CNTN4: variants seen among roughly 807,000 people sequenced by gnomAD.
CNTN4 encodes the protein contactin-4.
CNTN4 carries 77 observed loss-of-function variants against 122.5 expected under a neutral mutation model. That is an observed-to-expected ratio of 0.63 (90% confidence interval 0.52 to 0.76). The LOEUF (loss-of-function observed/expected upper bound fraction) is 0.76, where lower values mean the gene tolerates loss of function less well. Ranked by LOEUF, CNTN4 falls within the 30% of genes least tolerant of loss-of-function variation. The pLI is 0.00. For synonymous variants in CNTN4, 512 were observed against 447.0 expected (o/e 1.15, Z -1.83); for missense variants, 1,256 against 1,259.1 (o/e 1.00, Z 0.04).
chr3:2,900,869 A>C, intron 11 of CNTN4, 48 bp downstream of exon 11: 2 of 1,606,168 alleles, frequency 1.2e-6, no homozygotes, highest in Non-Finnish European at 8.5e-7. Context: ...TATAACGTTT[A>C]ATATAGCCTC....
At chr3:2,251,334 C>T (rs771978338) in intron 2 of CNTN4, among the ~76,000 whole-genome samples, 3 of 151,850 alleles carry the variant, frequency 2.0e-5, no homozygotes, top group Non-Finnish European at 4.4e-5. Context: ...CTAAGGGTTA[C>T]CAAATAAATG....
intron 2 of CNTN4, among the ~76,000 whole-genome samples, chr3:2,314,544 T>A (rs566705899): frequency 5.6e-4 from 85 of 151,998 alleles, no homozygotes; most frequent in African/African-American, 2.0e-3. Flanking sequence ...TATCTCCCTG[T>A]ATATCAGATG....
intron 23 of CNTN4, among the ~76,000 whole-genome samples, chr3:3,052,378 C>T (rs547561002): frequency 6.6e-6 from 1 of 152,248 alleles, no homozygotes; most frequent in East Asian, 1.9e-4. Flanking sequence ...TTGCCAGATA[C>T]CTCCCTGTGA....
At chr3:2,259,789 G>A (rs1391296181) in intron 2 of CNTN4, among the ~76,000 whole-genome samples, 1 of 152,142 alleles carries the variant, frequency 6.6e-6, no homozygotes, top group East Asian at 1.9e-4. Context: ...TTTGGGCGGG[G>A]GACGCAGCCA....
intron 24 of CNTN4, 114 bp from the exon 25 acceptor site, chr3:3,056,006 T>G (rs1701753399): frequency 1.4e-6 from 1 of 710,412 alleles, no homozygotes; most frequent in East Asian, 2.7e-5. Flanking sequence ...AAGACCTTGA[T>G]CATCATTTCC....
chr3:2,587,219 C>T (rs2080242787), intron 4 of CNTN4, among the ~76,000 whole-genome samples: 1 of 152,174 alleles, frequency 6.6e-6, no homozygotes, highest in African/African-American at 2.4e-5. Context: ...ACACCACTCT[C>T]AGGGGAATTA....
intron 13 of CNTN4, among the ~76,000 whole-genome samples, chr3:2,952,942 A>G (rs2094761410): frequency 6.6e-6 from 1 of 152,210 alleles, no homozygotes; most frequent in Admixed American, 6.5e-5. Flanking sequence ...TACCTTGTAT[A>G]AATCTCCCCC....
intron 4 of CNTN4, among the ~76,000 whole-genome samples, chr3:2,695,645 G>A (rs1487300317): frequency 2.6e-5 from 4 of 152,280 alleles, no homozygotes; most frequent in African/African-American, 9.6e-5. Context: ...GACGAACAGA[G>A]CATAATCTTT....
At chr3:2,276,733 T>TG (rs1223365481) in intron 2 of CNTN4, among the ~76,000 whole-genome samples, 1 of 152,136 alleles carries the variant, frequency 6.6e-6, no homozygotes, top group Admixed American at 6.6e-5. Flanking sequence ...CTGGCCAACA[T>TG]GGTGAAACCC....
intron 2 of CNTN4, among the ~76,000 whole-genome samples, chr3:2,182,276 C>G (rs1407462166): frequency 6.6e-6 from 1 of 152,064 alleles, no homozygotes; most frequent in Non-Finnish European, 1.5e-5. Context: ...TACACACACA[C>G]ACATACACAC....
intron 2 of CNTN4, among the ~76,000 whole-genome samples, chr3:2,137,969 C>G (rs530083986): frequency 6.6e-6 from 1 of 152,150 alleles, no homozygotes; most frequent in South Asian, 2.1e-4. Flanking sequence ...CATGTATCAG[C>G]CATTGGTAAC....
chr3:2,814,643 C>T (rs893834035), intron 6 of CNTN4, among the ~76,000 whole-genome samples: 1 of 152,158 alleles, frequency 6.6e-6, no homozygotes, highest in African/African-American at 2.4e-5. Context: ...TGTGTCCTGG[C>T]ATGGCAAGTA....
At chr3:2,582,405 TCTGTCTTCCA>T (rs574349133) in intron 4 of CNTN4, among the ~76,000 whole-genome samples, 2 of 152,042 alleles carry the variant, frequency 1.3e-5, no homozygotes, top group Non-Finnish European at 2.9e-5. Context: ...GTAATCCCAA[TCTGTCTTCCA>T]CTCCTCCGTT....
At chr3:2,394,818 G>A (rs11708261) in intron 3 of CNTN4, among the ~76,000 whole-genome samples, 22,302 of 120,762 alleles carry the variant, frequency 0.18, 2,139 homozygotes, top group Middle Eastern at 0.26. Flanking sequence ...AGACAATCTC[G>A]CTCTGTCACC....
intron 3 of CNTN4, among the ~76,000 whole-genome samples, chr3:2,565,663 A>G (rs1488724974): frequency 6.6e-6 from 1 of 152,216 alleles, no homozygotes; most frequent in Admixed American, 6.5e-5. Flanking sequence ...CAATTGAATC[A>G]TGGACATTCA....
chr3:2,133,339 G>A (rs1324387646), intron 2 of CNTN4, among the ~76,000 whole-genome samples: 1 of 152,104 alleles, frequency 6.6e-6, no homozygotes, highest in African/African-American at 2.4e-5. Flanking sequence ...AAGTGTCATT[G>A]TCTCTTCAGG....
At chr3:2,581,589 G>T (rs190131422) in intron 4 of CNTN4, among the ~76,000 whole-genome samples, 1 of 152,300 alleles carries the variant, frequency 6.6e-6, no homozygotes, top group Admixed American at 6.5e-5. Context: ...AGGAGAGAAT[G>T]TCAGAGTCTT....
chr3:2,829,394 C>T (rs934958551), intron 7 of CNTN4, among the ~76,000 whole-genome samples: 1 of 152,110 alleles, frequency 6.6e-6, no homozygotes, highest in African/African-American at 2.4e-5. Flanking sequence ...GGAGGGAGTG[C>T]TTGCCCTCAC....
At chr3:2,916,526 C>T (rs560969922) in intron 12 of CNTN4, among the ~76,000 whole-genome samples, 52 of 145,880 alleles carry the variant, frequency 3.6e-4, no homozygotes, top group Non-Finnish European at 6.8e-4. Flanking sequence ...GGGGTAAGGC[C>T]ATAGATTAAC....
Sources: gnomAD v4.1 joint callset for allele counts (sites outside exome capture counted in the v4.1 genomes callset) on GRCh38, gnomAD v4.1.1 for gene constraint, MANE v1.5 for transcripts, NCBI Gene and HGNC (gene_info 2026-07-23, HGNC 2026-07-21) for gene names.